MALRD1: variants seen among roughly 807,000 people sequenced by gnomAD.
The protein encoded by MALRD1 is MAM and LDL-receptor class A domain-containing protein 1.
A neutral mutation model predicts 242.1 loss-of-function variants in MALRD1; 247 were observed. The ratio of observed to expected loss-of-function variants is 1.02; its 90% CI spans 0.92 to 1.13. The LOEUF (loss-of-function observed/expected upper bound fraction) is 1.13. Among genes scored for constraint, MALRD1 ranks in the 50% most tolerant of loss-of-function variants. MALRD1 has a pLI of 0.00. For synonymous variants in MALRD1, 995 were observed against 866.6 expected (o/e 1.15, Z -2.60); for missense variants, 2,989 against 2,533.1 (o/e 1.18, Z -3.86).
intron 18 of MALRD1, among the ~76,000 whole-genome samples, chr10:19,221,065 A>G (rs553942642): frequency 6.6e-6 from 1 of 151,854 alleles, no homozygotes; most frequent in South Asian, 2.1e-4. Flanking sequence ...ATAATGAAGG[A>G]AAAGATATTT....
intron 36 of MALRD1, among the ~76,000 whole-genome samples, chr10:19,679,236 C>T: frequency 6.6e-6 from 1 of 152,174 alleles, no homozygotes; most frequent in East Asian, 1.9e-4. Flanking sequence ...AGGAATGGTA[C>T]CAGCTTCTCT....
intron 28 of MALRD1, among the ~76,000 whole-genome samples, chr10:19,447,021 T>G (rs1488449760): frequency 1.3e-5 from 2 of 150,260 alleles, no homozygotes; most frequent in African/African-American, 4.9e-5. Flanking sequence ...AATCACTTTT[T>G]AAAAAGTTTC....
In MALRD1 at chr10:19,502,025, AGAAAAG is replaced by A. The variant is rs749859558; in HGVS notation, c.5320+3380_5320+3385del. On this transcript the variant is annotated intron_variant, in intron 31 of 39. Coordinates refer to ENST00000454679, the MANE Select transcript of MALRD1 (RefSeq NM_001142308.3). ...AAGATTCTGTCTCAAAAAAAAAAAA[AGAAAAG>A]AAAAGAAAAGAAAAGAAAAGAAGAA... Among the ~76,000 whole-genome samples the A allele has an allele frequency of 2.2e-3, 271 of 125,378 alleles. 19 individuals are homozygous for A. The highest frequency in any genetic ancestry group is 0.015 in the East Asian group (58 of 3,858). The allele number at this position is 125,378 out of a possible 152,430, so 82.3% of individuals were successfully genotyped here. A position where few individuals can be genotyped will look rare whatever the true frequency, so the allele number is the denominator to read the frequency against.
At chr10:19,223,714 A>G (rs181769713) in intron 18 of MALRD1, among the ~76,000 whole-genome samples, 192 of 152,126 alleles carry the variant, frequency 1.3e-3, no homozygotes, top group Admixed American at 4.2e-3. Flanking sequence ...CTACCCACTG[A>G]CAGGCCCCAG....
chr10:19,377,938 C>T (rs1397233860), intron 26 of MALRD1, among the ~76,000 whole-genome samples: 1 of 152,030 alleles, frequency 6.6e-6, no homozygotes, highest in Non-Finnish European at 1.5e-5. Flanking sequence ...GCAATAAAAT[C>T]CCAATCCCTT....
intron 4 of MALRD1, among the ~76,000 whole-genome samples, chr10:19,099,845 CT>C (rs1318068754): frequency 2.6e-5 from 4 of 151,500 alleles, no homozygotes; most frequent in Admixed American, 1.3e-4. Flanking sequence ...AGATTGCAAC[CT>C]CTGCCTCCCG....
chr10:19,364,075 A>G (rs1440381556), intron 26 of MALRD1, among the ~76,000 whole-genome samples: 1 of 152,078 alleles, frequency 6.6e-6, no homozygotes, highest in African/African-American at 2.4e-5. Context: ...AAATATCAGC[A>G]TGGGAGGAGG....
intron 33 of MALRD1, among the ~76,000 whole-genome samples, chr10:19,570,501 A>G (rs932305223): frequency 2.6e-5 from 4 of 152,048 alleles, no homozygotes; most frequent in African/African-American, 7.2e-5. Context: ...CTTTAGCACT[A>G]TTACTAATAT....
intron 36 of MALRD1, among the ~76,000 whole-genome samples, chr10:19,647,053 A>G (rs1564513715): frequency 6.6e-6 from 1 of 152,148 alleles, no homozygotes; most frequent in Admixed American, 6.5e-5. Context: ...GTGACCTAGA[A>G]GTGTTTCTTA....
At chr10:19,583,129 A>G (rs1256473457) in intron 33 of MALRD1, among the ~76,000 whole-genome samples, 4 of 112,482 alleles carry the variant, frequency 3.6e-5, no homozygotes, top group South Asian at 2.9e-4. Context: ...TTGGGCTGAG[A>G]CGATGGGGTT....
At chr10:19,280,953 G>A (rs1317761926) in intron 20 of MALRD1, among the ~76,000 whole-genome samples, 1 of 152,130 alleles carries the variant, frequency 6.6e-6, no homozygotes, top group East Asian at 1.9e-4. Context: ...TATTTCTCAA[G>A]TGTCTTGATA....
chr10:19,608,011 A>G (rs1360559908), intron 35 of MALRD1, 109 bp downstream of exon 35: 2 of 1,366,374 alleles, frequency 1.5e-6, no homozygotes, highest in Non-Finnish European at 2.0e-6. Flanking sequence ...GCATGGAATA[A>G]TTGAATTTCT....
At chr10:19,430,006 CA>C (rs1396063150) in intron 28 of MALRD1, among the ~76,000 whole-genome samples, 1 of 151,462 alleles carries the variant, frequency 6.6e-6, no homozygotes, top group Admixed American at 6.6e-5. Context: ...ATGTTCTCAA[CA>C]TCTCAGACTA....
intron 28 of MALRD1, among the ~76,000 whole-genome samples, chr10:19,408,501 T>C (rs576626737): frequency 1.3e-5 from 2 of 152,266 alleles, no homozygotes; most frequent in South Asian, 2.1e-4. Flanking sequence ...TTGCAATGAA[T>C]AGATAAACTC....
chr10:19,130,734 T>C (rs1226349621), intron 8 of MALRD1, among the ~76,000 whole-genome samples: 1 of 152,140 alleles, frequency 6.6e-6, no homozygotes, highest in Non-Finnish European at 1.5e-5. Flanking sequence ...ATGTATTTAG[T>C]ATGTATGTAA....
intron 21 of MALRD1, among the ~76,000 whole-genome samples, chr10:19,297,839 A>G (rs1030435743): frequency 4.6e-5 from 7 of 152,012 alleles, no homozygotes; most frequent in African/African-American, 1.7e-4. Flanking sequence ...AGGGAAAAAA[A>G]AGGCATTATG....
rs539452624 is a variant in MALRD1 at position 19,692,546 on chromosome 10, A to G, written c.6306A>G (p.Val2102=). The G allele has an allele frequency of 2.4e-5, 37 of 1,534,844 alleles. No homozygotes were observed. The South Asian group carries it at 3.9e-4, about 16-fold the overall frequency. ...AVLCFLANRK[V]PIRKTEGSGN... ...TGTGTTTTCTTGCAAACAGAAAGGT[A>G]CCAATAAGGTAAGTGATGCCTTTAG... The change falls in exon 38 of 40, where the codon GTA becomes GTG. Residue 2102 remains valine, a synonymous_variant. Transcript: ENST00000454679.
intron 29 of MALRD1, among the ~76,000 whole-genome samples, 165 bp downstream of exon 29, chr10:19,450,655 G>A (rs1835272467): frequency 6.6e-6 from 1 of 152,208 alleles, no homozygotes; most frequent in Non-Finnish European, 1.5e-5. Flanking sequence ...TGTATGTTGA[G>A]ATAATACCTA....
intron 18 of MALRD1, among the ~76,000 whole-genome samples, chr10:19,256,317 A>G (rs1839509146): frequency 1.3e-5 from 2 of 152,108 alleles, no homozygotes; most frequent in African/African-American, 4.8e-5. Context: ...TTTTAAAAAT[A>G]AAACAGAATA....
Sources: allele counts gnomAD v4.1 joint callset (sites outside exome capture counted in the v4.1 genomes callset), GRCh38; gene constraint gnomAD v4.1.1; transcripts MANE v1.5; gene names NCBI Gene and HGNC (gene_info 2026-07-23, HGNC 2026-07-21).